MYL9: variants seen among roughly 807,000 people sequenced by gnomAD.
MYL9 encodes myosin light chain 9.
MYL9 carries 7 observed loss-of-function variants against 12.8 expected under a neutral mutation model. The observed-to-expected ratio is 0.55, with a 90% CI of 0.31 to 1.03. The LOEUF (loss-of-function observed/expected upper bound fraction) is 1.03. MYL9 is among the 50% of genes least tolerant of loss of function. The probability of loss-of-function intolerance (pLI) is 0.05; values close to 1 mark genes in which losing one functional copy is unlikely to be tolerated. For synonymous variants in MYL9, 81 were observed against 87.8 expected, an observed-to-expected ratio of 0.92 and a Z score of 0.43; for missense variants, 190 against 242.7, an observed-to-expected ratio of 0.78 and a Z score of 1.44.
chr20:36,550,627 G>GA lies in MYL9; in HGVS notation c.*1378_*1379insA, dbSNP rs2038157098. On this transcript the variant is annotated 3_prime_UTR_variant, in exon 4 of 4. Transcript: ENST00000279022. Reference sequence around the variant, plus strand: ...CACTCAGCAAAGGTCCCAGATCAGGGCCAAGGGGGAGCTGAGCACCAGGGG... The same window carrying GA: ...CACTCAGCAAAGGTCCCAGATCAGGGACCAAGGGGGAGCTGAGCACCAGGGG... 1 of 152,474 alleles carries GA rather than the reference G, an allele frequency of 6.6e-6. No individual in the cohort carries two copies. The highest frequency in any genetic ancestry group is 2.4e-5 in the African/African-American group (1 of 41,414). The allele number at this position is 152,474 out of a possible 1,614,324, so 9.4% of individuals were successfully genotyped here. A position where few individuals can be genotyped will look rare whatever the true frequency, so the allele number is the denominator to read the frequency against.
chr20:36,546,451 T>C (rs911741171), intron 2 of MYL9, among the ~76,000 whole-genome samples: 1 of 152,054 alleles, frequency 6.6e-6, no homozygotes, highest in Admixed American at 6.6e-5. Context: ...GACCCTGACA[T>C]TTCCCCACGA....
intron 3 of MYL9, 42 bp downstream of exon 3, chr20:36,548,235 C>T (rs1407309281): frequency 5.1e-6 from 8 of 1,562,782 alleles, no homozygotes; most frequent in Non-Finnish European, 7.0e-6. Flanking sequence ...GCAAGTGGAA[C>T]AGGGCCCAGG....
chr20:36,551,431 T>C lies in MYL9; in HGVS notation c.*2182T>C, dbSNP rs1364991144. ...ACCATAAGCAAAATTAAAAGCCAAA[T>C]GCATTCTGGGAGGAAATACCTGCAG... is the stretch of plus-strand genomic sequence containing the variant. On this transcript the variant is annotated 3_prime_UTR_variant, in exon 4 of 4. Coordinates refer to ENST00000279022, the MANE Select transcript of MYL9 (RefSeq NM_006097.5). 3 of 152,168 alleles carry C rather than the reference T, an allele frequency of 2.0e-5. No individual in the cohort carries two copies. The highest frequency in any genetic ancestry group is 4.8e-5 in the African/African-American group (2 of 41,432). 9.4% of individuals were successfully genotyped at this position (152,168 alleles called of 1,614,324 possible).
intron 2 of MYL9, 110 bp from the exon 3 acceptor site, chr20:36,547,922 C>G: frequency 7.7e-7 from 1 of 1,300,022 alleles, no homozygotes; most frequent in African/African-American, 1.5e-5. Context: ...CCACTACCTC[C>G]CGTCTCACAC....
intron 1 of MYL9, among the ~76,000 whole-genome samples, chr20:36,543,080 G>A (rs921407240): frequency 2.6e-5 from 4 of 152,240 alleles, no homozygotes; most frequent in African/African-American, 9.6e-5. Flanking sequence ...CTGGACTCAG[G>A]GAAGGACTAG....
chr20:36,544,816 G>A (rs775334732), intron 1 of MYL9, 43 bp from the exon 2 acceptor site: 189 of 1,519,880 alleles, frequency 1.2e-4, no homozygotes, highest in Non-Finnish European at 1.6e-4. Context: ...AGATTCCCTG[G>A]CCCAGAGTCA....
chr20:36,548,567 G>GATGGCCATGGTAAC (rs2038131003), intron 3 of MYL9, among the ~76,000 whole-genome samples: 1 of 152,176 alleles, frequency 6.6e-6, no homozygotes. Flanking sequence ...TCAGGGTGAT[G>GATGGCCATGGTAAC]ATGGCCATGG....
At chr20:36,543,528 G>A (rs1443672928) in intron 1 of MYL9, among the ~76,000 whole-genome samples, 2 of 152,336 alleles carry the variant, frequency 1.3e-5, no homozygotes, top group East Asian at 3.9e-4. Flanking sequence ...AGGGAAGGAG[G>A]CACTGGGTCT....
intron 3 of MYL9, 40 bp from the exon 4 acceptor site, chr20:36,549,037 C>T (rs760760964): frequency 6.3e-7 from 1 of 1,595,940 alleles, no homozygotes; most frequent in Non-Finnish European, 8.5e-7. Flanking sequence ...TATGTCTCAG[C>T]CCAAGTTCCT....
At chr20:36,547,166 CTG>C (rs2038111095) in intron 2 of MYL9, among the ~76,000 whole-genome samples, 1 of 152,182 alleles carries the variant, frequency 6.6e-6, no homozygotes, top group African/African-American at 2.4e-5. Flanking sequence ...AAAACATGCA[CTG>C]TGTTTGTAGC....
rs780006415 is a variant in MYL9 at position 36,549,251 on chromosome 20, C to CCACCCCAGCCCTCTGA, written c.*13_*14insTCTGACACCCCAGCCC. On this transcript the variant is annotated 3_prime_UTR_variant, in exon 4 of 4. Coordinates refer to ENST00000279022, the MANE Select transcript of MYL9 (RefSeq NM_006097.5). ...GGCGCCAAGGATAAAGACGACTAGG[C>CCACCCCAGCCCTCTGA]CACCCCAGCCCCCTGACACCCCAGC... 3.7e-3 allele frequency: 5,932 copies of CCACCCCAGCCCTCTGA among 1,608,238 alleles called. 15 individuals carry two copies. Among genetic ancestry groups the CCACCCCAGCCCTCTGA allele is most frequent in the Non-Finnish European group, 4.6e-3 (5,405 of 1,177,830 alleles).
chr20:36,544,329 G>T (rs903946153), intron 1 of MYL9, among the ~76,000 whole-genome samples: 1 of 152,134 alleles, frequency 6.6e-6, no homozygotes, highest in Non-Finnish European at 1.5e-5. Context: ...AGTGAGGAAC[G>T]GCAGGAATGC....
At chr20:36,545,990 C>A (rs565262656) in intron 2 of MYL9, among the ~76,000 whole-genome samples, 52 of 152,218 alleles carry the variant, frequency 3.4e-4, no homozygotes, top group Admixed American at 1.0e-3. Flanking sequence ...GCCCACTGCA[C>A]AGATGGGGAA....
Position 36,549,297 on chromosome 20 carries a change from C to A in MYL9, c.*48C>A. The A allele has an allele frequency of 6.9e-7, 1 of 1,451,400 alleles. No homozygotes were observed. Among genetic ancestry groups the A allele is most frequent in the Non-Finnish European group, 9.4e-7 (1 of 1,068,602 alleles). The allele number at this position is 1,451,400 out of a possible 1,614,324, so 89.9% of individuals were successfully genotyped here. A position where few individuals can be genotyped will look rare whatever the true frequency, so the allele number is the denominator to read the frequency against. ...CCAGCCCCCGCCAGTCACCCCTCCCCGCACACACCCGTCCATACCAGCTCC... is the reference window on the plus strand; with the variant it reads ...CCAGCCCCCGCCAGTCACCCCTCCCAGCACACACCCGTCCATACCAGCTCC... On this transcript the variant is annotated 3_prime_UTR_variant, in exon 4 of 4. Transcript: ENST00000279022.
rs757573490 is a variant in MYL9, at chr20:36,551,361, G to A, written c.*2112G>A. The A allele has an allele frequency of 1.3e-5, 2 of 152,230 alleles. No homozygotes were observed. Among genetic ancestry groups the A allele is most frequent in the Non-Finnish European group, 2.9e-5 (2 of 68,054 alleles). The allele number at this position is 152,230 out of a possible 1,614,324, so 9.4% of individuals were successfully genotyped here. On this transcript the variant is annotated 3_prime_UTR_variant, in exon 4 of 4. Coordinates refer to ENST00000279022, the MANE Select transcript of MYL9 (RefSeq NM_006097.5). Reference sequence around the variant, plus strand: ...GAAGCCACAAAGGAAAATACTGGCAGATTTAAATGCATGAAGTCAACATTC... The same window carrying A: ...GAAGCCACAAAGGAAAATACTGGCAAATTTAAATGCATGAAGTCAACATTC...
rs367581484 is a variant in MYL9, at chr20:36,544,960, T to C, written c.76T>C (p.Phe26Leu). The C allele has an allele frequency of 1.8e-5, 29 of 1,612,848 alleles. No individual in the cohort carries two copies. The highest frequency in any genetic ancestry group is 4.0e-5 in the African/African-American group (3 of 74,514). The change falls in exon 2 of 4, where the codon TTT (phenylalanine) becomes CTT (leucine). Residue 26 changes from phenylalanine to leucine, a missense_variant. Physicochemically the swap from Phe to Leu is conservative, Grantham distance 22 (BLOSUM62 0). Transcript: ENST00000279022. ...QRATSNVFAM[F>L]DQSQIQEFKE... ...GGCCACATCCAATGTCTTCGCAATGTTTGACCAGTCCCAGATCCAGGAGTT... is the reference window on the plus strand; with the variant it reads ...GGCCACATCCAATGTCTTCGCAATGCTTGACCAGTCCCAGATCCAGGAGTT...
chr20:36,545,044 C>A lies in MYL9; in HGVS notation c.160C>A (p.Leu54Met). The change falls in exon 2 of 4, where the codon CTG becomes ATG. Residue 54 changes from leucine (L) to methionine (M), a missense_variant. Coordinates refer to ENST00000279022, the MANE Select transcript of MYL9 (RefSeq NM_006097.5). ...TGATGGCTTCATTGACAAGGAGGACCTGCACGACATGCTGGCCTCGCTGGG... is the reference window on the plus strand; with the variant it reads ...TGATGGCTTCATTGACAAGGAGGACATGCACGACATGCTGGCCTCGCTGGG... ...NRDGFIDKED[L>M]HDMLASLGKN... 1 of 1,614,196 alleles carries A rather than the reference C, an allele frequency of 6.2e-7. No homozygotes were observed.
rs2038123606 is a variant in MYL9 at position 36,548,120 on chromosome 20, G to A, written c.273G>A (p.Gly91=). 8 of 1,613,864 alleles carry A rather than the reference G, an allele frequency of 5.0e-6. No individual in the cohort carries two copies. Among genetic ancestry groups the A allele is most frequent in the Non-Finnish European group, 6.8e-6 (8 of 1,179,910 alleles). Residue 91 remains glycine (G), a synonymous_variant, in exon 3 of 4, where the codon GGG becomes GGA. Transcript: ENST00000279022. ...TCACCATGTTCCTCACCATGTTTGG[G>A]GAGAAGCTGAACGGCACGGACCCCG... ...INFTMFLTMF[G]EKLNGTDPED...
intron 2 of MYL9, among the ~76,000 whole-genome samples, chr20:36,545,581 G>T (rs1280581527): frequency 2.0e-5 from 3 of 151,936 alleles, no homozygotes; most frequent in African/African-American, 7.3e-5. Flanking sequence ...CTCCACAGTG[G>T]GCCTGTCTTA....
Sources: gnomAD v4.1 joint callset for allele counts (sites outside exome capture counted in the v4.1 genomes callset) on GRCh38, gnomAD v4.1.1 for gene constraint, MANE v1.5 for transcripts, NCBI Gene and HGNC (gene_info 2026-07-23, HGNC 2026-07-21) for gene names.